Variants in ANGPTL4 observed in about 807,000 individuals in gnomAD.
ANGPTL4 encodes the protein angiopoietin-related protein 4.
In ANGPTL4, 39 loss-of-function variants were observed where a neutral mutation model predicts 39.2. The observed-to-expected ratio is 1.00, with a 90% CI of 0.77 to 1.30. The LOEUF (loss-of-function observed/expected upper bound fraction) is 1.30, where lower values mean the gene tolerates loss of function less well. Ranked by LOEUF, ANGPTL4 falls within the 50% of genes most tolerant of loss-of-function variation. The pLI, the probability that ANGPTL4 is intolerant of heterozygous loss-of-function variation, is 0.00. For missense variants in ANGPTL4, 545 were observed against 549.8 expected (o/e 0.99, Z 0.09); for synonymous variants, 233 against 229.5 (o/e 1.02, Z -0.14).
chr19:8,373,478 G>A (rs1971165939), intron 6 of ANGPTL4, among the ~76,000 whole-genome samples: 1 of 151,820 alleles, frequency 6.6e-6, no homozygotes, highest in Non-Finnish European at 1.5e-5. Flanking sequence ...GGCTGAGGGA[G>A]GAGAATCACT....
intron 3 of ANGPTL4, 121 bp downstream of exon 3, chr19:8,366,440 G>C (rs1318300403): frequency 9.0e-7 from 1 of 1,115,570 alleles, no homozygotes; most frequent in Non-Finnish European, 1.3e-6. Context: ...AGTCCCTGAG[G>C]GCTCACCAGT....
chr19:8,370,135 A>G (rs10410586), intron 4 of ANGPTL4, among the ~76,000 whole-genome samples: 80,509 of 151,968 alleles, frequency 0.53, 22,024 homozygotes, highest in African/African-American at 0.61. Context: ...CCTGGGAGGC[A>G]GAGGTTGCAG....
chr19:8,373,989 C>T lies in ANGPTL4; in HGVS notation c.*103C>T, dbSNP rs934840105. On this transcript the variant is annotated 3_prime_UTR_variant, in exon 7 of 7. Coordinates refer to ENST00000301455, the MANE Select transcript of ANGPTL4 (RefSeq NM_139314.3). ...CCTGGGCAGGGGCTCCAAGGAGGGGCCATCTGGAAACTTGTGGACAGAGAA... is the reference window on the plus strand; with the variant it reads ...CCTGGGCAGGGGCTCCAAGGAGGGGTCATCTGGAAACTTGTGGACAGAGAA... 3.0e-5 allele frequency: 40 copies of T among 1,330,242 alleles called. No homozygotes were observed. The highest frequency in any genetic ancestry group is 7.1e-5 in the Admixed American group (4 of 56,256). The allele number at this position is 1,330,242 out of a possible 1,614,324, so 82.4% of individuals were successfully genotyped here. A position where few individuals can be genotyped will look rare whatever the true frequency, so the allele number is the denominator to read the frequency against.
At position 8,369,218 on chromosome 19, in the gene ANGPTL4, G is replaced by A. The variant is rs768362135; in HGVS notation, c.548-1G>A. The A allele has an allele frequency of 6.2e-7, 1 of 1,609,502 alleles. No individual in the cohort carries two copies. The highest frequency in any genetic ancestry group is 1.1e-5 in the South Asian group (1 of 89,822). ...CAAGTCTCCACTTTATCTCCCTTCA[G>A]GGCTGCCCAGGGATTGCCAGGAGCT... is the stretch of plus-strand genomic sequence containing the variant. On this transcript the variant is annotated splice_acceptor_variant, in intron 3 of 6. Transcript: ENST00000301455. LOFTEE classifies it high-confidence loss of function.
rs964963416 is a variant in ANGPTL4 at position 8,364,401 on chromosome 19, C to G, written c.80C>G (p.Pro27Arg). The G allele has an allele frequency of 1.2e-5, 18 of 1,546,858 alleles. No homozygotes were observed. In the Admixed American group the frequency reaches 2.7e-4, roughly 23 times the overall value. Residue 27 changes from proline (P) to arginine (R), a missense_variant, in exon 1 of 7, where the codon CCC (proline) becomes CGC (arginine). Physicochemically the swap from Pro to Arg is moderately radical, Grantham distance 103. Transcript: ENST00000301455. Reference sequence around the variant, plus strand: ...GTGCTACTGAGCGCTCAGGGCGGACCCGTGCAGTCCAAGTCGCCGCGCTTT... The same window carrying G: ...GTGCTACTGAGCGCTCAGGGCGGACGCGTGCAGTCCAAGTCGCCGCGCTTT... Reference protein sequence around the residue: ...TAVLLSAQGGPVQSKSPRFAS... With the variant: ...TAVLLSAQGGRVQSKSPRFAS...
chr19:8,371,070 G>C lies in ANGPTL4; in HGVS notation c.676G>C (p.Val226Leu), dbSNP rs1971105487. 1.3e-6 allele frequency: 2 copies of C among 1,599,264 alleles called. No homozygotes were observed. The highest frequency in any genetic ancestry group is 1.7e-6 in the Non-Finnish European group (2 of 1,172,908). The change falls in exon 5 of 7, where the codon GTA becomes CTA. Residue 226 changes from valine to leucine, a missense_variant. By Grantham distance (32) the Val-to-Leu change is conservative. Transcript: ENST00000301455. The surrounding 1 kb of genome is among the most constrained non-coding windows in gnomAD (Gnocchi z 5.1). ...CKMTSDGGWTVIQRRHDGSVD... is the reference protein window; with the variant it reads ...CKMTSDGGWTLIQRRHDGSVD... Reference sequence around the variant, plus strand: ...TTTCTGGGCAGATGGAGGCTGGACAGTAATTCAGAGGCGCCACGATGGCTC... The same window carrying C: ...TTTCTGGGCAGATGGAGGCTGGACACTAATTCAGAGGCGCCACGATGGCTC...
rs1458084472 is a variant in ANGPTL4 at position 8,371,021 on chromosome 19, G to A, written c.662-35G>A. 5 of 1,559,058 alleles carry A rather than the reference G, an allele frequency of 3.2e-6. No individual in the cohort carries two copies. The highest frequency in any genetic ancestry group is 4.3e-6 in the Non-Finnish European group (5 of 1,150,688). On this transcript the variant is annotated intron_variant, in intron 4 of 6. Coordinates refer to ENST00000301455, the MANE Select transcript of ANGPTL4 (RefSeq NM_139314.3). This position sits in a 1 kb window ranked among gnomAD's most constrained non-coding sequence, Gnocchi z 5.1. ...GAGGGAGTGGGGTCGTCTGTGAAGA[G>A]GGACTTCCTGGTGACCTTGTACCTT...
intron 4 of ANGPTL4, among the ~76,000 whole-genome samples, chr19:8,369,850 G>A (rs1245712092): frequency 2.0e-5 from 3 of 152,028 alleles, no homozygotes; most frequent in Non-Finnish European, 4.4e-5. Context: ...CTTGAGCCCA[G>A]AAGTTCGAGA....
At position 8,374,134 on chromosome 19, in the gene ANGPTL4, C is replaced by A; in HGVS notation, c.*248C>A. 1 of 510,924 alleles carries A rather than the reference C, an allele frequency of 2.0e-6. No homozygotes were observed. The allele number at this position is 510,924 out of a possible 1,614,324, so 31.6% of individuals were successfully genotyped here. A position where few individuals can be genotyped will look rare whatever the true frequency, so the allele number is the denominator to read the frequency against. ...GAGGCGTGGACCAAGGGGCATGGAG[C>A]TTCACTCCTTGCTGGCCAGGGAGTT... On this transcript the variant is annotated 3_prime_UTR_variant, in exon 7 of 7. Transcript: ENST00000301455.
In ANGPTL4 at chr19:8,373,904, G is replaced by A. The variant is rs779669546; in HGVS notation, c.*18G>A. The A allele has an allele frequency of 6.2e-7, 1 of 1,611,962 alleles. No individual in the cohort carries two copies. The highest frequency in any genetic ancestry group is 2.2e-5 in the East Asian group (1 of 44,870). On this transcript the variant is annotated 3_prime_UTR_variant, in exon 7 of 7. Transcript: ENST00000301455. ...CCTCCTAGCGTCCTGGCTGGGCCTG[G>A]TCCCAGGCCCACGAAAGACGGTGAC...
rs553138401 is a variant in ANGPTL4 at position 8,373,966 on chromosome 19, T to C, written c.*80T>C. 2.2e-5 allele frequency: 33 copies of C among 1,497,792 alleles called. No homozygotes were observed. In the South Asian group the frequency reaches 2.8e-4, roughly 13 times the overall value. The allele number at this position is 1,497,792 out of a possible 1,614,324, so 92.8% of individuals were successfully genotyped here. ...CCCGAGGATGTGGCCGTTCCCTGCCTGGGCAGGGGCTCCAAGGAGGGGCCA... is the reference window on the plus strand; with the variant it reads ...CCCGAGGATGTGGCCGTTCCCTGCCCGGGCAGGGGCTCCAAGGAGGGGCCA... On this transcript the variant is annotated 3_prime_UTR_variant, in exon 7 of 7. Transcript: ENST00000301455.
intron 6 of ANGPTL4, among the ~76,000 whole-genome samples, chr19:8,373,266 G>A (rs188791711): frequency 2.0e-5 from 3 of 152,212 alleles, no homozygotes; most frequent in Non-Finnish European, 2.9e-5. Context: ...CTAGCCAGGC[G>A]TGGTGGCGGG....
At position 8,364,384 on chromosome 19, in the gene ANGPTL4, G is replaced by T; in HGVS notation, c.63G>T (p.Leu21=). 1 of 1,546,332 alleles carries T rather than the reference G, an allele frequency of 6.5e-7. No homozygotes were observed. The change falls in exon 1 of 7, where the codon CTG becomes CTT. Residue 21 remains leucine (L), a synonymous_variant. Coordinates refer to ENST00000301455, the MANE Select transcript of ANGPTL4 (RefSeq NM_139314.3). ...LMLCAATAVL[L]SAQGGPVQSK... is the part of the protein sequence containing the mutation. ...TCTGCGCCGCCACCGCCGTGCTACT[G>T]AGCGCTCAGGGCGGACCCGTGCAGT...
At chr19:8,368,537 G>A (rs1971051191) in intron 3 of ANGPTL4, among the ~76,000 whole-genome samples, 1 of 152,124 alleles carries the variant, frequency 6.6e-6, no homozygotes, top group South Asian at 2.1e-4. Context: ...TGTCCTTCCA[G>A]AAGCTGGGAC....
At position 8,364,231 on chromosome 19, in the gene ANGPTL4, A is replaced by G; in HGVS notation, c.-91A>G. The G allele has an allele frequency of 7.4e-7, 1 of 1,352,754 alleles. No individual in the cohort carries two copies. Among genetic ancestry groups the G allele is most frequent in the Non-Finnish European group, 1.0e-6 (1 of 1,001,786 alleles). The allele number at this position is 1,352,754 out of a possible 1,614,324, so 83.8% of individuals were successfully genotyped here. On this transcript the variant is annotated 5_prime_UTR_variant, in exon 1 of 7. Transcript: ENST00000301455. Reference sequence around the variant, plus strand: ...CGGCTTCTGCAACCAAGCGGGTCTTACCCCCGGTCCTCCGCGTCTCCAGTC... The same window carrying G: ...CGGCTTCTGCAACCAAGCGGGTCTTGCCCCCGGTCCTCCGCGTCTCCAGTC...
Position 8,371,500 on chromosome 19 carries a change from G to C in ANGPTL4, c.1017G>C (p.Lys339Asn). Reference sequence around the variant, plus strand: ...AGGATCACGACCTCCGCAGGGACAAGAACTGCGCCAAGAGCCTCTCTGGTG... The same window carrying C: ...AGGATCACGACCTCCGCAGGGACAACAACTGCGCCAAGAGCCTCTCTGGTG... ...WDQDHDLRRD[K>N]NCAKSLSGGW... Residue 339 changes from lysine (K) to asparagine (N), a missense_variant, in exon 6 of 7, where the codon AAG becomes AAC. Physicochemically the swap from Lys to Asn is moderately conservative, Grantham distance 94. Coordinates refer to ENST00000301455, the MANE Select transcript of ANGPTL4 (RefSeq NM_139314.3). The surrounding 1 kb of genome is among the most constrained non-coding windows in gnomAD (Gnocchi z 5.1). 5 of 1,613,098 alleles carry C rather than the reference G, an allele frequency of 3.1e-6. No individual in the cohort carries two copies. The highest frequency in any genetic ancestry group is 4.2e-6 in the Non-Finnish European group (5 of 1,180,028).
intron 4 of ANGPTL4, among the ~76,000 whole-genome samples, chr19:8,369,784 G>C (rs1431798466): frequency 6.6e-6 from 1 of 152,040 alleles, no homozygotes; most frequent in Non-Finnish European, 1.5e-5. Flanking sequence ...CCTTGTCTGG[G>C]TGTAGTGGCT....
chr19:8,367,968 G>C (rs1195866532), intron 3 of ANGPTL4, among the ~76,000 whole-genome samples: 1 of 151,844 alleles, frequency 6.6e-6, no homozygotes, highest in African/African-American at 2.4e-5. Context: ...CAAGTAGATG[G>C]GATTATAGGC....
Position 8,365,983 on chromosome 19 carries a change from C to A in ANGPTL4, c.348C>A (p.Ile116=). The A allele has an allele frequency of 3.7e-6, 6 of 1,614,150 alleles. No individual in the cohort carries two copies. Among genetic ancestry groups the A allele is most frequent in the Non-Finnish European group, 5.1e-6 (6 of 1,180,026 alleles). Residue 116 remains isoleucine, a synonymous_variant, in exon 2 of 7, where the codon ATC becomes ATA. Transcript: ENST00000301455. The part of the protein sequence containing the change: ...QTQLKAQNSR[I]QQLFHKVAQQ... ...AACTCAAGGCTCAGAACAGCAGGAT[C>A]CAGCAACTCTTCCACAAGGTGGCCC...
Sources: allele counts gnomAD v4.1 joint callset (sites outside exome capture counted in the v4.1 genomes callset), GRCh38; gene constraint gnomAD v4.1.1; non-coding constraint Gnocchi (gnomAD v3.1); transcripts MANE v1.5; gene names NCBI Gene and HGNC (gene_info 2026-07-23, HGNC 2026-07-21).